AEBP2: variants seen among roughly 807,000 people sequenced by gnomAD.
AEBP2 encodes the protein zinc finger protein AEBP2.
AEBP2 carries 10 observed loss-of-function variants against 50.8 expected under a neutral mutation model. The observed-to-expected ratio is 0.20, with a 90% CI of 0.12 to 0.33. The LOEUF is 0.33. Ranked by LOEUF, AEBP2 falls within the 10% of genes least tolerant of loss-of-function variation. The probability of loss-of-function intolerance (pLI) is 1.00; values close to 1 mark genes in which losing one functional copy is unlikely to be tolerated. For missense variants in AEBP2, 570 were observed against 688.0 expected (o/e 0.83, Z 1.92); for synonymous variants, 296 against 261.3 (o/e 1.13, Z -1.28).
intron 1 of AEBP2, among the ~76,000 whole-genome samples, chr12:19,461,460 T>C (rs117640779): frequency 3.3e-5 from 5 of 152,068 alleles, no homozygotes; most frequent in Non-Finnish European, 7.4e-5. Flanking sequence ...TTTGAGATGG[T>C]GTTTTGCTCT....
At chr12:19,499,964 T>C (rs1949041755) in intron 4 of AEBP2, 133 bp from the exon 5 acceptor site, 14 of 885,720 alleles carry the variant, frequency 1.6e-5, no homozygotes, top group East Asian at 2.8e-5. Context: ...CTAGAGTCCA[T>C]GTTTTGTAAG....
At chr12:19,449,623 A>G (rs1207226409) in intron 1 of AEBP2, among the ~76,000 whole-genome samples, 1 of 152,228 alleles carries the variant, frequency 6.6e-6, no homozygotes, top group Admixed American at 6.5e-5. Context: ...GTCTTTAACC[A>G]GAGAAATAAT....
chr12:19,457,033 A>G (rs1948281601), intron 1 of AEBP2: 4 of 1,607,610 alleles, frequency 2.5e-6, no homozygotes, highest in Admixed American at 1.7e-5. Flanking sequence ...TGGCTCCAGC[A>G]TGTTGTCACC....
intron 1 of AEBP2, among the ~76,000 whole-genome samples, chr12:19,429,380 G>A (rs2095750251): frequency 6.6e-6 from 1 of 152,064 alleles, no homozygotes; most frequent in Non-Finnish European, 1.5e-5. Context: ...TCTATCACTG[G>A]TGGACATTTG....
chr12:19,512,639 G>A (rs1038845021), intron 6 of AEBP2, among the ~76,000 whole-genome samples, 174 bp downstream of exon 6: 2 of 151,518 alleles, frequency 1.3e-5, no homozygotes, highest in Non-Finnish European at 2.9e-5. Context: ...TCAGGTTCAC[G>A]TTTTACGCTT....
intron 3 of AEBP2, among the ~76,000 whole-genome samples, chr12:19,487,411 G>A (rs377146745): frequency 6.6e-6 from 1 of 152,048 alleles, no homozygotes; most frequent in Non-Finnish European, 1.5e-5. Flanking sequence ...CAGAAAGTAC[G>A]TATGCTTTTG....
chr12:19,488,945 C>T (rs534627152), intron 3 of AEBP2, among the ~76,000 whole-genome samples: 4 of 152,190 alleles, frequency 2.6e-5, no homozygotes, highest in Non-Finnish European at 4.4e-5. Context: ...TCTGCTACCA[C>T]GCCCGGCTAA....
intron 4 of AEBP2, among the ~76,000 whole-genome samples, chr12:19,497,328 G>GTTTTTTTTTTTT (rs34011915): frequency 1.9e-4 from 15 of 78,718 alleles, no homozygotes; most frequent in South Asian, 5.7e-4. Flanking sequence ...TTCCAAAGGT[G>GTTTTTTTTTTTT]TTTTTTTTTT....
At chr12:19,514,608 C>T in intron 6 of AEBP2, 63 bp from the exon 7 acceptor site, 1 of 1,256,144 alleles carries the variant, frequency 8.0e-7, no homozygotes, top group Non-Finnish European at 1.1e-6. Flanking sequence ...AATGTGAAGG[C>T]ACATGGAAGT....
Position 19,493,875 on chromosome 12 carries a change from C to G in AEBP2, c.1063C>G (p.Gln355Glu). 1 of 1,613,878 alleles carries G rather than the reference C, an allele frequency of 6.2e-7. No homozygotes were observed. Among genetic ancestry groups the G allele is most frequent in the Non-Finnish European group, 8.5e-7 (1 of 1,179,864 alleles). ...TCGTCATGTACCCACACACTTCAGT[C>G]AGCAGAACTCCTCAAAAGTTTCTAG... ...LARHVPTHFS[Q>E]QNSSKVSSQP... Residue 355 changes from glutamine to glutamate, a missense_variant, in exon 4 of 8, where the codon CAG becomes GAG. Gln to Glu is a conservative substitution (Grantham distance 29). Coordinates refer to ENST00000266508, the MANE Select transcript of AEBP2 (RefSeq NM_153207.5).
chr12:19,482,542 C>T (rs1948745623), intron 3 of AEBP2, among the ~76,000 whole-genome samples: 1 of 152,116 alleles, frequency 6.6e-6, no homozygotes, highest in Non-Finnish European at 1.5e-5. Context: ...TGGCCTCCAA[C>T]CAGGAGGTGA....
chr12:19,500,838 AAAAG>A (rs895479433), intron 5 of AEBP2, among the ~76,000 whole-genome samples: 3 of 152,202 alleles, frequency 2.0e-5, no homozygotes, highest in Admixed American at 6.5e-5. Context: ...CCAAATTTGA[AAAAG>A]AATAAATACA....
chr12:19,487,434 G>A (rs1418288983), intron 3 of AEBP2, among the ~76,000 whole-genome samples: 2 of 152,026 alleles, frequency 1.3e-5, no homozygotes, highest in African/African-American at 4.8e-5. Flanking sequence ...AGAGAAAAAA[G>A]GGGCCAGGTG....
In AEBP2 at chr12:19,413,099, G is replaced by T; in HGVS notation, c.-17+8883G>T. The T allele has an allele frequency of 4.7e-6, 3 of 631,938 alleles. No homozygotes were observed. The South Asian group carries it at 4.8e-5, about 10-fold the overall frequency. 39.1% of individuals were successfully genotyped at this position (631,938 alleles called of 1,614,324 possible). ...AGCTTTTGGAGCCAGCAGCAGCCGG[G>T]CCGAATTCAGTTTTTCCGGAATTCA... is the stretch of plus-strand genomic sequence containing the variant. On this transcript the variant is annotated intron_variant, in intron 1 of 3. Coordinates refer to the AEBP2 transcript ENST00000538425.
chr12:19,454,092 A>G (rs1336155293), intron 1 of AEBP2, among the ~76,000 whole-genome samples: 1 of 151,940 alleles, frequency 6.6e-6, no homozygotes, highest in African/African-American at 2.4e-5. Context: ...GGGTCTCGCC[A>G]TGTTGCCAGG....
rs539936235 is a variant in AEBP2, at chr12:19,447,536, A to G, written c.671+7166A>G. The stretch of plus-strand genomic sequence containing the variant: ...CATTGTTTTTCCAGACACAACCGTC[A>G]CTAGAATAACTAAAGGAACATTGAG... On this transcript the variant is annotated intron_variant, in intron 1 of 7. Coordinates refer to ENST00000266508, the MANE Select transcript of AEBP2 (RefSeq NM_153207.5). Among the ~76,000 whole-genome samples, 95 of 152,362 alleles carry G rather than the reference A, an allele frequency of 6.2e-4. No homozygotes were observed. The South Asian group carries it at 7.7e-3, about 12-fold the overall frequency.
At chr12:19,457,413 T>G (rs1317102855) in intron 1 of AEBP2, 10 of 1,488,842 alleles carry the variant, frequency 6.7e-6, no homozygotes, top group Non-Finnish European at 8.3e-6. Context: ...GTTCTCAAAT[T>G]TCCACAAGGA....
chr12:19,432,286 C>A (rs911994188), intron 1 of AEBP2, among the ~76,000 whole-genome samples: 5 of 152,184 alleles, frequency 3.3e-5, no homozygotes, highest in African/African-American at 1.2e-4. Context: ...ACATAAAGGG[C>A]TGTTTCACTA....
chr12:19,456,267 T>A, intron 1 of AEBP2: 1 of 1,527,884 alleles, frequency 6.5e-7, no homozygotes, highest in Middle Eastern at 2.4e-4. Context: ...TTGAGCTTTC[T>A]GGGCAGATTT....
Sources: gnomAD v4.1 joint callset for allele counts (sites outside exome capture counted in the v4.1 genomes callset) on GRCh38, gnomAD v4.1.1 for gene constraint, MANE v1.5 for transcripts, NCBI Gene and HGNC (gene_info 2026-07-23, HGNC 2026-07-21) for gene names.